The following SMAGP variants were observed in gnomAD, a reference collection of about 807,000 sequenced individuals.
SMAGP encodes small cell transmembrane and glycosylated protein.
SMAGP carries 7 observed loss-of-function variants against 10.1 expected under a neutral mutation model. That is an observed-to-expected ratio of 0.70 (90% confidence interval 0.40 to 1.31). The LOEUF (loss-of-function observed/expected upper bound fraction) is 1.31, where lower values mean the gene tolerates loss of function less well. Ranked by LOEUF, SMAGP falls within the 50% of genes most tolerant of loss-of-function variation. SMAGP has a pLI of 0.01. For synonymous variants in SMAGP, 49 were observed against 47.2 expected (o/e 1.04, Z -0.16); for missense variants, 113 against 116.5 (o/e 0.97, Z 0.14).
chr12:51,265,899 G>A (rs557486973), intron 2 of SMAGP, among the ~76,000 whole-genome samples: 2 of 152,112 alleles, frequency 1.3e-5, no homozygotes, highest in East Asian at 1.9e-4. Flanking sequence ...TGGCTAACAC[G>A]GTGAAACCCC....
intron 2 of SMAGP, among the ~76,000 whole-genome samples, chr12:51,257,043 G>C (rs144607595): frequency 7.5e-4 from 114 of 152,272 alleles, no homozygotes; most frequent in Non-Finnish European, 1.3e-3. Flanking sequence ...AATGGAAGGA[G>C]AGGAACTGAA....
At chr12:51,262,989 A>T (rs1944942855) in intron 2 of SMAGP, among the ~76,000 whole-genome samples, 1 of 152,118 alleles carries the variant, frequency 6.6e-6, no homozygotes, top group Non-Finnish European at 1.5e-5. Context: ...AGACCTTGGG[A>T]GCAGTACACC....
chr12:51,264,297 G>A (rs796651378), intron 2 of SMAGP, among the ~76,000 whole-genome samples: 1 of 152,180 alleles, frequency 6.6e-6, no homozygotes, highest in Non-Finnish European at 1.5e-5. Context: ...CCAGTGGATA[G>A]GAGACTGTCC....
rs759999840 is a variant in SMAGP at position 51,269,326 on chromosome 12, G to C, written c.-38-10C>G. The stretch of plus-strand genomic sequence containing the variant: ...TGGAGAAGAGGCAGATCTGTAGGAA[G>C]AGGGGCAAAGACAGGAATGTAGCGG... On this transcript the variant is annotated splice_polypyrimidine_tract_variant and intron_variant, in intron 1 of 3. Coordinates refer to ENST00000603798, the MANE Select transcript of SMAGP (RefSeq NM_001031628.2). 6.2e-7 allele frequency: 1 copy of C among 1,610,124 alleles called. No individual in the cohort carries two copies.
intron 2 of SMAGP, among the ~76,000 whole-genome samples, chr12:51,258,320 G>A (rs1032778092): frequency 2.6e-5 from 4 of 152,192 alleles, no homozygotes; most frequent in Non-Finnish European, 4.4e-5. Context: ...AGTGGTGCAT[G>A]CCTGTAATCC....
chr12:51,266,150 G>A (rs1358014792), intron 2 of SMAGP, among the ~76,000 whole-genome samples: 2 of 151,754 alleles, frequency 1.3e-5, no homozygotes, highest in East Asian at 3.9e-4. Flanking sequence ...GTTACCCGTG[G>A]TCAACTGCAG....
At chr12:51,261,146 A>G (rs1944929023) in intron 2 of SMAGP, among the ~76,000 whole-genome samples, 1 of 127,126 alleles carries the variant, frequency 7.9e-6, no homozygotes, top group African/African-American at 3.0e-5. Flanking sequence ...CCTGGGCTGG[A>G]GTGCAGTGGC....
chr12:51,253,063 T>G (rs1403585952), intron 2 of SMAGP, among the ~76,000 whole-genome samples: 1 of 152,108 alleles, frequency 6.6e-6, no homozygotes, highest in Non-Finnish European at 1.5e-5. Flanking sequence ...GTGGAGTCCA[T>G]AAAGCAATGG....
chr12:51,254,686 T>A (rs1474268509), intron 2 of SMAGP, among the ~76,000 whole-genome samples: 2 of 152,182 alleles, frequency 1.3e-5, no homozygotes, highest in African/African-American at 4.8e-5. Flanking sequence ...GAGAAGGTTG[T>A]CAGGGGAAGC....
chr12:51,251,426 A>G (rs1944837197), intron 2 of SMAGP: 1 of 152,392 alleles, frequency 6.6e-6, no homozygotes, highest in Non-Finnish European at 1.5e-5. Context: ...TACAAAAAAA[A>G]AAAAAAAAAA....
chr12:51,246,322 T>C, intron 3 of SMAGP: 1 of 651,862 alleles, frequency 1.5e-6, no homozygotes, highest in Non-Finnish European at 2.5e-6. Flanking sequence ...GTGCTTAAGC[T>C]AAGGACACAT....
chr12:51,257,983 T>C (rs560222095), intron 2 of SMAGP, among the ~76,000 whole-genome samples: 2 of 151,894 alleles, frequency 1.3e-5, no homozygotes, highest in South Asian at 4.2e-4. Flanking sequence ...GAGACCTCCA[T>C]CTCTACAAAA....
At chr12:51,251,082 AATGTAT>A (rs1944833524) in intron 2 of SMAGP, among the ~76,000 whole-genome samples, 1 of 152,166 alleles carries the variant, frequency 6.6e-6, no homozygotes, top group African/African-American at 2.4e-5. Context: ...TGAGAAGATT[AATGTAT>A]ATCAGAAGCT....
chr12:51,253,920 A>G (rs1028358289), intron 2 of SMAGP, among the ~76,000 whole-genome samples: 2 of 152,210 alleles, frequency 1.3e-5, no homozygotes, highest in Non-Finnish European at 2.9e-5. Flanking sequence ...AAAAAAAAAG[A>G]GGACAAACAT....
rs771477169 is a variant in SMAGP, at chr12:51,245,901, C to T, written c.*40G>A. 1.4e-5 allele frequency: 23 copies of T among 1,586,274 alleles called. No homozygotes were observed. Among genetic ancestry groups the T allele is most frequent in the Middle Eastern group, 4.1e-4 (2 of 4,894 alleles). On this transcript the variant is annotated 3_prime_UTR_variant, in exon 4 of 4. Transcript: ENST00000603798. ...CCATAATAAGCAGTCAACGTGTTAG[C>T]GATGGAGCCAGGAATAAGCTCCTTG... is the stretch of plus-strand genomic sequence containing the variant.
At chr12:51,248,428 ACACACACTCTCTCTCTCTCTCTCT>A (rs1317558103) in intron 2 of SMAGP, among the ~76,000 whole-genome samples, 22 of 104,470 alleles carry the variant, frequency 2.1e-4, no homozygotes, top group African/African-American at 4.4e-4. Context: ...ACACACACAC[ACACACACTCTCTCTCTCTCTCTCT>A]CTCTCTCTCT....
chr12:51,268,437 T>A (rs1235750900), intron 2 of SMAGP, among the ~76,000 whole-genome samples: 1 of 152,228 alleles, frequency 6.6e-6, no homozygotes, highest in Non-Finnish European at 1.5e-5. Context: ...TTCCCTGTTA[T>A]CTTTGAAGAT....
intron 2 of SMAGP, among the ~76,000 whole-genome samples, chr12:51,265,448 C>T (rs1176667047): frequency 6.6e-6 from 1 of 152,094 alleles, no homozygotes; most frequent in Non-Finnish European, 1.5e-5. Context: ...TCACAATAGC[C>T]AAAAGGTGGA....
chr12:51,267,716 A>C (rs1337578178), intron 2 of SMAGP, among the ~76,000 whole-genome samples: 1 of 151,996 alleles, frequency 6.6e-6, no homozygotes, highest in East Asian at 1.9e-4. Context: ...GCTGATCTCG[A>C]ACTCCTGAGC....
Sources: gnomAD v4.1 joint callset for allele counts (sites outside exome capture counted in the v4.1 genomes callset) on GRCh38, gnomAD v4.1.1 for gene constraint, MANE v1.5 for transcripts, NCBI Gene and HGNC (gene_info 2026-07-23, HGNC 2026-07-21) for gene names.